C1QTNF9: variants seen among roughly 807,000 people sequenced by gnomAD.
C1QTNF9 encodes the protein C1q and TNF related 9.
In C1QTNF9, 6 loss-of-function variants were observed where a neutral mutation model predicts 10.1. That is an observed-to-expected ratio of 0.59 (90% confidence interval 0.32 to 1.17). The LOEUF (loss-of-function observed/expected upper bound fraction) is 1.17, where lower values mean the gene tolerates loss of function less well. Among genes scored for constraint, C1QTNF9 ranks in the 50% most tolerant of loss-of-function variants. The probability of loss-of-function intolerance (pLI) is 0.04; values close to 1 mark genes in which losing one functional copy is unlikely to be tolerated. For synonymous variants in C1QTNF9, 98 were observed against 163.5 expected (o/e 0.60, Z 3.06); for missense variants, 201 against 418.8 (o/e 0.48, Z 4.54).
chr13:24,310,349 GAA>G (rs1287029892), intron 1 of C1QTNF9, among the ~76,000 whole-genome samples: 9 of 142,782 alleles, frequency 6.3e-5, no homozygotes, highest in Non-Finnish European at 1.2e-4. Context: ...ATTTTTAGTA[GAA>G]ACGGGGTTTC....
chr13:24,312,909 C>T lies in C1QTNF9; in HGVS notation c.-22-3073C>T, dbSNP rs1427076253. Reference sequence around the variant, plus strand: ...GGCAGAGCTTGCAGTGAGCCAAGATCGCGCCACTGCACTCCAGCCTGGGCG... The same window carrying T: ...GGCAGAGCTTGCAGTGAGCCAAGATTGCGCCACTGCACTCCAGCCTGGGCG... On this transcript the variant is annotated intron_variant, in intron 1 of 3. Transcript: ENST00000332018. 1.0e-4 allele frequency among the ~76,000 whole-genome samples: 15 copies of T among 149,000 alleles called. No individual in the cohort carries two copies. In the South Asian group the frequency reaches 1.1e-3, roughly 11 times the overall value.
chr13:24,312,901 G>A (rs1183410970), intron 1 of C1QTNF9, among the ~76,000 whole-genome samples: 1 of 148,012 alleles, frequency 6.8e-6, no homozygotes, highest in East Asian at 2.0e-4. Flanking sequence ...CTTGCAGTGA[G>A]CCAAGATCGC....
exon 4 of C1QTNF9, chr13:24,321,654 G>A (rs138759830): frequency 8.2e-5 from 133 of 1,614,102 alleles, no homozygotes; most frequent in Non-Finnish European, 1.1e-4. Context: ...TGCAGCTGAA[G>A]CTCGGGGATG....
chr13:24,319,548 CA>C (rs1217679651), intron 3 of C1QTNF9, among the ~76,000 whole-genome samples: 2 of 151,574 alleles, frequency 1.3e-5, no homozygotes, highest in Non-Finnish European at 2.9e-5. Flanking sequence ...CTCAAAGCAA[CA>C]AAAAAACAAG....
upstream of C1QTNF9, among the ~76,000 whole-genome samples, chr13:24,307,395 G>T (rs189566016): frequency 2.4e-3 from 369 of 152,346 alleles, 1 homozygote; most frequent in African/African-American, 8.6e-3. Context: ...CCCTCTGACT[G>T]CCCCTGAAGG....
intron 1 of C1QTNF9, among the ~76,000 whole-genome samples, chr13:24,311,453 A>T (rs557943283): frequency 6.6e-6 from 1 of 152,324 alleles, no homozygotes; most frequent in Admixed American, 6.5e-5. Flanking sequence ...CTGCAGAATG[A>T]TGGCCTCTAT....
At chr13:24,310,802 C>T (rs753867537) in intron 1 of C1QTNF9, among the ~76,000 whole-genome samples, 8 of 150,550 alleles carry the variant, frequency 5.3e-5, no homozygotes, top group South Asian at 2.1e-4. Flanking sequence ...GTCCCAGCTA[C>T]GCGGGAGGCT....
chr13:24,314,643 G>C (rs996263870), intron 1 of C1QTNF9, among the ~76,000 whole-genome samples: 2 of 152,138 alleles, frequency 1.3e-5, no homozygotes, highest in East Asian at 3.9e-4. Flanking sequence ...TTGCACTCCA[G>C]CTTGGGCCAC....
In C1QTNF9 at chr13:24,316,113, A is replaced by G. The variant is rs755900487; in HGVS notation, c.110A>G (p.Asn37Ser). The change falls in exon 2 of 4, where the codon AAT becomes AGT. Residue 37 changes from asparagine to serine, a missense_variant. By Grantham distance (46) the Asn-to-Ser change is conservative (BLOSUM62 1). This residue lies in a region of C1QTNF9 where 53 missense variants were observed against 81.6 expected (regional missense o/e 0.65). Transcript: ENST00000332018. ...GGAATCCCTGGGAACCCCGGTCACA[A>G]TGGTCTGCCTGGAAGAGATGGACGA... 43 of 1,612,802 alleles carry G rather than the reference A, an allele frequency of 2.7e-5. No homozygotes were observed. Among genetic ancestry groups the G allele is most frequent in the East Asian group, 4.5e-5 (2 of 44,832 alleles).
At chr13:24,315,795 C>G (rs1877997738) in intron 1 of C1QTNF9, 187 bp from the exon 2 acceptor site, 3 of 618,688 alleles carry the variant, frequency 4.8e-6, no homozygotes, top group Non-Finnish European at 8.2e-6. Context: ...GTGTTACCTT[C>G]CAAGGACAGT....
chr13:24,313,811 C>T (rs933498136), intron 1 of C1QTNF9, among the ~76,000 whole-genome samples: 3 of 152,164 alleles, frequency 2.0e-5, no homozygotes, highest in South Asian at 4.1e-4. Context: ...TCTTTATTTG[C>T]ATATATTCAC....
intron 1 of C1QTNF9, 88 bp from the exon 2 acceptor site, chr13:24,315,894 A>C: frequency 7.0e-7 from 1 of 1,433,248 alleles, no homozygotes. Context: ...GGGACAGCTC[A>C]TCCATTTCCC....
upstream of C1QTNF9, among the ~76,000 whole-genome samples, chr13:24,309,283 T>TTATATATATATATATA (rs72150411): frequency 0.014 from 921 of 67,960 alleles, 88 homozygotes; most frequent in African/African-American, 0.021. Flanking sequence ...ACTTAAAGTA[T>TTATATATATATATATA]TATATATATA....
upstream of C1QTNF9, among the ~76,000 whole-genome samples, chr13:24,308,605 C>A (rs2138796566): frequency 6.6e-6 from 1 of 152,334 alleles, no homozygotes; most frequent in East Asian, 1.9e-4. Context: ...CGCCGCCGAG[C>A]TGGGGCGAGC....
rs1157979603 is a variant in C1QTNF9, at chr13:24,318,946, A to G, written c.229+66A>G. ...CGACTATTTAACAATATTACCATGG[A>G]CAAGTCCTCCATGCTGATTATAATC... On this transcript the variant is annotated intron_variant, in intron 3 of 3. Coordinates refer to ENST00000332018, the Ensembl canonical transcript of C1QTNF9. 2.5e-6 allele frequency: 4 copies of G among 1,585,532 alleles called. No individual in the cohort carries two copies. In the African/African-American group the frequency reaches 5.4e-5, roughly 21 times the overall value.
In C1QTNF9 at chr13:24,321,328, G is replaced by T; in HGVS notation, c.562G>T (p.Gly188Ter). ...AATAAGAGGCTGGAAAGGAGATCGAGGAGAGAAAGGGAAAATCGGTGAGAC... is the reference window on the plus strand; with the variant it reads ...AATAAGAGGCTGGAAAGGAGATCGATGAGAGAAAGGGAAAATCGGTGAGAC... Residue 188 changes from glycine to a stop codon, truncating the protein, a stop_gained, in exon 4 of 4, where the codon GGA becomes TGA. Transcript: ENST00000332018. LOFTEE classifies it low-confidence loss of function (END_TRUNC). The T allele has an allele frequency of 6.3e-7, 1 of 1,589,290 alleles. No homozygotes were observed. Among genetic ancestry groups the T allele is most frequent in the Non-Finnish European group, 8.6e-7 (1 of 1,168,838 alleles).
At chr13:24,319,364 C>T (rs551958721) in intron 3 of C1QTNF9, among the ~76,000 whole-genome samples, 3 of 152,154 alleles carry the variant, frequency 2.0e-5, no homozygotes, top group East Asian at 1.9e-4. Context: ...CATAGTAAGA[C>T]TTTGTCTATA....
chr13:24,314,102 C>G (rs9580935), intron 1 of C1QTNF9, among the ~76,000 whole-genome samples: 25,935 of 152,058 alleles, frequency 0.17, 2,641 homozygotes, highest in East Asian at 0.3. Flanking sequence ...TTAGGGATAG[C>G]AATACAGGGT....
intron 1 of C1QTNF9, among the ~76,000 whole-genome samples, chr13:24,312,101 C>T (rs1347336387): frequency 1.3e-5 from 2 of 152,210 alleles, no homozygotes; most frequent in African/African-American, 2.4e-5. Flanking sequence ...AGATTACTAG[C>T]AACTCCACGA....
Sources: gnomAD v4.1 joint callset for allele counts (sites outside exome capture counted in the v4.1 genomes callset) on GRCh38, gnomAD v4.1.1 for gene constraint, gnomAD v4.1.1 regional missense constraint, MANE v1.5 for transcripts, NCBI Gene and HGNC (gene_info 2026-07-23, HGNC 2026-07-21) for gene names.